Variants in ATP2B4 observed in about 807,000 individuals in gnomAD.
ATP2B4 encodes ATPase plasma membrane Ca2+ transporting 4.
In ATP2B4, 39 loss-of-function variants were observed where a neutral mutation model predicts 110.3. That is an observed-to-expected ratio of 0.35 (90% CI 0.27 to 0.46). The LOEUF (loss-of-function observed/expected upper bound fraction) is 0.46. Ranked by LOEUF, ATP2B4 falls within the 20% of genes least tolerant of loss-of-function variation. ATP2B4 has a pLI of 1.00. For synonymous variants in ATP2B4, 538 were observed against 571.7 expected, an observed-to-expected ratio of 0.94 and a Z score of 0.84; for missense variants, 1,135 against 1,530.9, an observed-to-expected ratio of 0.74 and a Z score of 4.32.
At chr1:203,652,529 TTTTTA>T (rs1449113150) in intron 1 of ATP2B4, among the ~76,000 whole-genome samples, 2 of 152,254 alleles carry the variant, frequency 1.3e-5, no homozygotes, top group African/African-American at 2.4e-5. Context: ...AGACACTGCC[TTTTTA>T]TTTTATTATT....
chr1:203,658,740 C>T (rs7548482), intron 1 of ATP2B4, among the ~76,000 whole-genome samples: 12,832 of 151,782 alleles, frequency 0.085, 918 homozygotes, highest in East Asian at 0.27. Context: ...GCATGGTGGC[C>T]CATGCCTGTA....
At chr1:203,712,973 A>G (rs1021994072) in intron 13 of ATP2B4, among the ~76,000 whole-genome samples, 192 bp from the exon 14 acceptor site, 7 of 152,154 alleles carry the variant, frequency 4.6e-5, no homozygotes, top group East Asian at 3.8e-4. Flanking sequence ...CAGGGCCTGA[A>G]TGGTCATCAT....
intron 1 of ATP2B4, among the ~76,000 whole-genome samples, chr1:203,639,642 C>T (rs1445257015): frequency 2.6e-5 from 4 of 152,168 alleles, no homozygotes; most frequent in South Asian, 2.1e-4. Flanking sequence ...AAAGGGCTTG[C>T]GCTTGTCCTT....
chr1:203,689,241 T>C (rs575039962), intron 2 of ATP2B4, among the ~76,000 whole-genome samples: 4 of 152,334 alleles, frequency 2.6e-5, no homozygotes, highest in African/African-American at 9.6e-5. Flanking sequence ...GAAGAGGTAT[T>C]TTCCTTAGTC....
rs1330710774 is a variant in ATP2B4 at position 203,627,023 on chromosome 1, C to T, written c.-661C>T. On this transcript the variant is annotated 5_prime_UTR_variant, in exon 1 of 21. Transcript: ENST00000357681. The stretch of plus-strand genomic sequence containing the variant: ...CTTTCAGGAACCTGAGAGGTCCTTC[C>T]CATTGGAGGGGCAGGGGGAGGAGAC... 3 of 152,340 alleles carry T rather than the reference C, an allele frequency of 2.0e-5. No individual in the cohort carries two copies. Among genetic ancestry groups the T allele is most frequent in the Non-Finnish European group, 4.4e-5 (3 of 68,132 alleles). The allele number at this position is 152,340 out of a possible 1,614,324, so 9.4% of individuals were successfully genotyped here.
In ATP2B4 at chr1:203,720,674, G is replaced by A. The variant is rs757901690; in HGVS notation, c.2532G>A (p.Leu844=). 1 of 1,614,178 alleles carries A rather than the reference G, an allele frequency of 6.2e-7. No homozygotes were observed. Among genetic ancestry groups the A allele is most frequent in the South Asian group, 1.1e-5 (1 of 91,084 alleles). The change falls in exon 16 of 21, where the codon CTG becomes CTA. Residue 844 remains leucine (L), a synonymous_variant. Coordinates refer to ENST00000357681, the MANE Select transcript of ATP2B4 (RefSeq NM_001684.5). The stretch of plus-strand genomic sequence containing the variant: ...TCTATGACAGCATCTCCAAGTTCCT[G>A]CAGTTCCAGCTCACTGTCAATGTGG... ...RNVYDSISKF[L]QFQLTVNVVA...
intron 1 of ATP2B4, among the ~76,000 whole-genome samples, chr1:203,651,165 G>A (rs1663981471): frequency 6.6e-6 from 1 of 152,088 alleles, no homozygotes; most frequent in Non-Finnish European, 1.5e-5. Flanking sequence ...ATAGTTCCAT[G>A]GCTGTCTTTG....
At chr1:203,704,890 T>C (rs989357553) in intron 8 of ATP2B4, among the ~76,000 whole-genome samples, 7 of 152,038 alleles carry the variant, frequency 4.6e-5, no homozygotes, top group Non-Finnish European at 8.8e-5. Flanking sequence ...TTACCTCGGG[T>C]TCTTGTTAAA....
intron 1 of ATP2B4, among the ~76,000 whole-genome samples, chr1:203,646,103 G>C (rs1349067181): frequency 6.6e-6 from 1 of 151,900 alleles, no homozygotes; most frequent in African/African-American, 2.4e-5. Context: ...TATGTAAAAA[G>C]GATCTCACAT....
chr1:203,660,304 C>G (rs759673316), intron 1 of ATP2B4, among the ~76,000 whole-genome samples: 3 of 152,236 alleles, frequency 2.0e-5, no homozygotes, highest in Non-Finnish European at 4.4e-5. Flanking sequence ...AACTGCAGAG[C>G]TTTAGGCCTC....
intron 1 of ATP2B4, among the ~76,000 whole-genome samples, chr1:203,635,831 T>C (rs561177766): frequency 2.0e-5 from 3 of 152,338 alleles, no homozygotes; most frequent in Admixed American, 1.3e-4. Context: ...AATAGGAGTG[T>C]CTTTTCTAAG....
At chr1:203,665,904 C>T (rs1664489457) in intron 1 of ATP2B4, among the ~76,000 whole-genome samples, 2 of 152,046 alleles carry the variant, frequency 1.3e-5, no homozygotes, top group Admixed American at 6.6e-5. Flanking sequence ...TAGACTTTTC[C>T]ATCTACGTGG....
chr1:203,700,075 C>A, intron 4 of ATP2B4, 131 bp from the exon 5 acceptor site: 1 of 1,117,820 alleles, frequency 8.9e-7, no homozygotes, highest in Non-Finnish European at 1.3e-6. Flanking sequence ...TCCATGTACT[C>A]TCGGCCATTG....
intron 6 of ATP2B4, 150 bp downstream of exon 6, chr1:203,701,073 G>A: frequency 8.7e-7 from 1 of 1,150,826 alleles, no homozygotes. Context: ...AGATAAAGAT[G>A]TAAATCCTTG....
chr1:203,703,897 G>A (rs919767229), intron 8 of ATP2B4, 84 bp downstream of exon 8: 23 of 1,468,354 alleles, frequency 1.6e-5, no homozygotes, highest in South Asian at 1.5e-4. Flanking sequence ...TGCACCGACC[G>A]AGACTGGCAG....
At chr1:203,739,257 T>C (rs1184848032) in intron 20 of ATP2B4, among the ~76,000 whole-genome samples, 1 of 152,166 alleles carries the variant, frequency 6.6e-6, no homozygotes, top group Admixed American at 6.6e-5. Flanking sequence ...TAAAAGTAGA[T>C]TGTTTGGGAA....
chr1:203,635,892 A>C (rs1358624100), intron 1 of ATP2B4, among the ~76,000 whole-genome samples: 2 of 152,162 alleles, frequency 1.3e-5, no homozygotes, highest in African/African-American at 4.8e-5. Flanking sequence ...TCTTCTAAGA[A>C]AGTAAGGTCC....
chr1:203,681,991 T>C (rs1029684628), intron 1 of ATP2B4, among the ~76,000 whole-genome samples: 27 of 147,024 alleles, frequency 1.8e-4, no homozygotes, highest in Non-Finnish European at 6.0e-5. Flanking sequence ...TACTCTCCTC[T>C]TCTCCCCAAA....
chr1:203,736,810 T>A (rs967378667), intron 20 of ATP2B4, among the ~76,000 whole-genome samples: 2 of 152,164 alleles, frequency 1.3e-5, no homozygotes, highest in Non-Finnish European at 2.9e-5. Context: ...CAGCCCTGGG[T>A]GGATTGGTGG....
Sources: allele counts gnomAD v4.1 joint callset (sites outside exome capture counted in the v4.1 genomes callset), GRCh38; gene constraint gnomAD v4.1.1; transcripts MANE v1.5; gene names NCBI Gene and HGNC (gene_info 2026-07-23, HGNC 2026-07-21).